PDK1: variants seen among roughly 807,000 people sequenced by gnomAD.
The protein encoded by PDK1 is [Pyruvate dehydrogenase (acetyl-transferring)] kinase isozyme 1, mitochondrial.
A neutral mutation model predicts 54.2 loss-of-function variants in PDK1; 39 were observed. The observed-to-expected ratio is 0.72, with a 90% CI of 0.56 to 0.94. The LOEUF is 0.94. PDK1 is among the 40% of genes least tolerant of loss of function. The pLI is 0.00. For missense variants in PDK1, 552 were observed against 566.0 expected (o/e 0.98, Z 0.25); for synonymous variants, 221 against 207.1 (o/e 1.07, Z -0.58).
chr2:172,573,636 G>T (rs1689415859), intron 8 of PDK1, among the ~76,000 whole-genome samples: 1 of 148,162 alleles, frequency 6.7e-6, no homozygotes, highest in Non-Finnish European at 1.5e-5. Flanking sequence ...TTCTATGTGT[G>T]TGTATATATA....
intron 8 of PDK1, among the ~76,000 whole-genome samples, chr2:172,579,668 T>C (rs1239476253): frequency 6.6e-6 from 1 of 151,818 alleles, no homozygotes; most frequent in African/African-American, 2.4e-5. Flanking sequence ...TGTGACCAGT[T>C]TTAGGTGTCT....
the PDK1 span, among the ~76,000 whole-genome samples, chr2:172,632,691 G>A: frequency 6.6e-6 from 1 of 151,998 alleles, no homozygotes; most frequent in Non-Finnish European, 1.5e-5. Flanking sequence ...TTAGAACATA[G>A]ATGGTTTTGG....
At chr2:172,659,238 A>G in the PDK1 span, among the ~76,000 whole-genome samples, 1 of 152,168 alleles carries the variant, frequency 6.6e-6, no homozygotes, top group Admixed American at 6.5e-5. Flanking sequence ...ATGTTGAAAT[A>G]CGGGGGGCGG....
At chr2:172,640,515 GAT>G in the PDK1 span, among the ~76,000 whole-genome samples, 1 of 152,164 alleles carries the variant, frequency 6.6e-6, no homozygotes, top group Non-Finnish European at 1.5e-5. Context: ...TGGTTTGATT[GAT>G]AGATAGCATG....
the PDK1 span, among the ~76,000 whole-genome samples, chr2:172,653,136 G>A: frequency 6.6e-6 from 1 of 151,990 alleles, no homozygotes; most frequent in Non-Finnish European, 1.5e-5. Context: ...TAGACCAATG[G>A]AACAGAACAG....
At chr2:172,691,227 A>G in the PDK1 span, 1 of 150,304 alleles carries the variant, frequency 6.7e-6, no homozygotes, top group Non-Finnish European at 1.5e-5. Context: ...AATTGTCAAC[A>G]TCCCACAGCA....
rs1300434756 is a variant in PDK1, at chr2:172,603,392, C to G, written c.*7423C>G. On this transcript the variant is annotated 3_prime_UTR_variant, in exon 11 of 11. Transcript: ENST00000282077. ...TTTGTGACATCTGAATTTTAAGGAT[C>G]TTACCCAGTGAACATATAACTAGTG... The G allele has an allele frequency of 6.6e-6, 1 of 152,200 alleles. No homozygotes were observed. Among genetic ancestry groups the G allele is most frequent in the African/African-American group, 2.4e-5 (1 of 41,440 alleles). 9.4% of individuals were successfully genotyped at this position (152,200 alleles called of 1,614,324 possible). A position where few individuals can be genotyped will look rare whatever the true frequency, so the allele number is the denominator to read the frequency against.
At chr2:172,573,807 T>A (rs976036738) in intron 8 of PDK1, among the ~76,000 whole-genome samples, 1 of 152,144 alleles carries the variant, frequency 6.6e-6, no homozygotes. Context: ...TTTGCTTTTT[T>A]AAATAGAGAT....
At chr2:172,702,835 G>GT in the PDK1 span, among the ~76,000 whole-genome samples, 1 of 152,020 alleles carries the variant, frequency 6.6e-6, no homozygotes, top group South Asian at 2.1e-4. Context: ...AAAACCACTG[G>GT]TACCCTGCCC....
Position 172,603,012 on chromosome 2 carries a change from G to A in PDK1, c.*7043G>A, listed in dbSNP as rs1437575938. On this transcript the variant is annotated 3_prime_UTR_variant, in exon 11 of 11. Coordinates refer to ENST00000282077, the MANE Select transcript of PDK1 (RefSeq NM_002610.5). The stretch of plus-strand genomic sequence containing the variant: ...GGAAAGTAAGGTTAAATCTTTGTAA[G>A]CAATGCTCCTGATGCGAATCACCTG... 2 of 152,194 alleles carry A rather than the reference G, an allele frequency of 1.3e-5. No homozygotes were observed. The highest frequency in any genetic ancestry group is 2.9e-5 in the Non-Finnish European group (2 of 68,036). 9.4% of individuals were successfully genotyped at this position (152,194 alleles called of 1,614,324 possible). A position where few individuals can be genotyped will look rare whatever the true frequency, so the allele number is the denominator to read the frequency against.
the PDK1 span, among the ~76,000 whole-genome samples, chr2:172,722,718 C>A: frequency 8.0e-4 from 122 of 152,230 alleles, no homozygotes; most frequent in Middle Eastern, 3.4e-3. Context: ...ATCCCTGGGA[C>A]TTAAGCCAAG....
chr2:172,566,983 A>T, intron 6 of PDK1, 50 bp downstream of exon 6: 1 of 1,193,956 alleles, frequency 8.4e-7, no homozygotes, highest in Non-Finnish European at 1.2e-6. Flanking sequence ...TGATTACTTG[A>T]TAAGGGATAA....
intron 3 of PDK1, chr2:172,562,833 A>G: frequency 6.2e-7 from 1 of 1,605,414 alleles, no homozygotes; most frequent in Admixed American, 1.7e-5. Flanking sequence ...TAACCCATAT[A>G]CCAGAATTGG....
chr2:172,640,996 T>C, the PDK1 span, among the ~76,000 whole-genome samples: 2 of 58,682 alleles, frequency 3.4e-5, no homozygotes, highest in African/African-American at 8.6e-5. Context: ...TCTTTCTTTC[T>C]TTTTCTTTTC....
At chr2:172,556,653 A>T (rs1688349293) in intron 1 of PDK1, 1 of 238,190 alleles carries the variant, frequency 4.2e-6, no homozygotes. Context: ...GGCCCCTTCC[A>T]AGGAGTCGGA....
chr2:172,568,678 A>T (rs900461089), intron 6 of PDK1, 63 bp from the exon 7 acceptor site: 35 of 996,562 alleles, frequency 3.5e-5, no homozygotes, highest in Admixed American at 1.0e-4. Context: ...TACACAGTTT[A>T]TTCTTAAAAA....
At chr2:172,612,773 T>A (rs554399456), downstream of PDK1, among the ~76,000 whole-genome samples, 199 of 152,246 alleles carry the variant, frequency 1.3e-3, 1 homozygote, top group South Asian at 0.011. Context: ...GTTCAAGCAT[T>A]TCTCCTTCCT....
chr2:172,660,106 G>A, the PDK1 span, among the ~76,000 whole-genome samples: 33 of 152,058 alleles, frequency 2.2e-4, no homozygotes, highest in Non-Finnish European at 4.1e-4. Context: ...GAGCAAGAGA[G>A]GGACTGACCC....
At chr2:172,563,954 C>G (rs1156546598) in intron 3 of PDK1, 2 of 462,502 alleles carry the variant, frequency 4.3e-6, no homozygotes, top group Non-Finnish European at 8.9e-6. Flanking sequence ...TAATTGTTTA[C>G]TTTTCCTCTC....
Sources: gnomAD v4.1 joint callset for allele counts (sites outside exome capture counted in the v4.1 genomes callset) on GRCh38, gnomAD v4.1.1 for gene constraint, MANE v1.5 for transcripts, NCBI Gene and HGNC (gene_info 2026-07-23, HGNC 2026-07-21) for gene names.